ADCY4: variants seen among roughly 807,000 people sequenced by gnomAD.
ADCY4 encodes adenylate cyclase 4.
Under a neutral mutation model 125.5 loss-of-function variants are expected in ADCY4, and 111 were observed. The observed-to-expected ratio is 0.88, with a 90% confidence interval of 0.76 to 1.04. The LOEUF is 1.04. Ranked by LOEUF, ADCY4 falls within the 50% of genes least tolerant of loss-of-function variation. The pLI, the probability that ADCY4 is intolerant of heterozygous loss-of-function variation, is 0.00. For missense variants in ADCY4, 1,256 were observed against 1,382.9 expected, an observed-to-expected ratio of 0.91 and a Z score of 1.46; for synonymous variants, 576 against 586.9, an observed-to-expected ratio of 0.98 and a Z score of 0.27.
At position 24,318,730 on chromosome 14, in the gene ADCY4, G is replaced by A. The variant is rs150391939; in HGVS notation, c.3005C>T (p.Pro1002Leu). 7 of 1,613,958 alleles carry A rather than the reference G, an allele frequency of 4.3e-6. No individual in the cohort carries two copies. In the East Asian group the frequency reaches 8.9e-5, roughly 21 times the overall value. Reference sequence around the variant, plus strand: ...TGTGTTGCCCCAAATGTCATATTGCGGCTTCTGGGCCCCAATAACTCCAGC... The same window carrying A: ...TGTGTTGCCCCAAATGTCATATTGCAGCTTCTGGGCCCCAATAACTCCAGC... Reference protein sequence around the residue: ...VVAGVIGAQKPQYDIWGNTVN... With the variant: ...VVAGVIGAQKLQYDIWGNTVN... Residue 1002 changes from proline to leucine, a missense_variant, in exon 24 of 25, where the codon CCG becomes CTG. By Grantham distance (98) the Pro-to-Leu change is moderately conservative. Transcript: ENST00000418030.
intron 1 of ADCY4, 64 bp from the exon 2 acceptor site, chr14:24,333,052 A>C: frequency 4.1e-6 from 6 of 1,463,578 alleles, no homozygotes; most frequent in Non-Finnish European, 5.4e-6. Context: ...GATAAAGGAA[A>C]AGCCAGCAGC....
chr14:24,320,868 T>C (rs913653703), intron 20 of ADCY4, among the ~76,000 whole-genome samples: 5 of 152,178 alleles, frequency 3.3e-5, no homozygotes, highest in African/African-American at 7.2e-5. Flanking sequence ...TAAAATTTCA[T>C]ATGGCTAATG....
Position 24,319,463 on chromosome 14 carries a change from C to A in ADCY4, c.2734-27G>T. 1 of 1,603,350 alleles carries A rather than the reference C, an allele frequency of 6.2e-7. No homozygotes were observed. The highest frequency in any genetic ancestry group is 1.1e-5 in the South Asian group (1 of 90,870). ...TGTATATAGAGAAGAGTCCTGTCCC[C>A]AGTCTCTCTTACTCTCTCCATCACC... On this transcript the variant is annotated intron_variant, in intron 21 of 24. Coordinates refer to ENST00000418030, the MANE Select transcript of ADCY4 (RefSeq NM_001198568.2). This position sits in a 1 kb window ranked among gnomAD's most constrained non-coding sequence, Gnocchi z 4.5.
chr14:24,328,965 A>G (rs1009553491), intron 10 of ADCY4, 96 bp downstream of exon 10: 3 of 1,433,044 alleles, frequency 2.1e-6, no homozygotes, highest in Non-Finnish European at 2.8e-6. Flanking sequence ...TAAGTGGCTC[A>G]CTGGTGGTGG....
At chr14:24,320,059 G>T (rs1293406850) in intron 20 of ADCY4, among the ~76,000 whole-genome samples, 171 bp from the exon 21 acceptor site, 1 of 152,176 alleles carries the variant, frequency 6.6e-6, no homozygotes, top group Admixed American at 6.5e-5. Context: ...TGACTTAGGA[G>T]TCAAAGCTTA....
chr14:24,325,550 G>T, intron 13 of ADCY4, 76 bp from the exon 14 acceptor site: 1 of 1,334,168 alleles, frequency 7.5e-7, no homozygotes, highest in Non-Finnish European at 1.1e-6. Context: ...TCCCAGGCAA[G>T]GGGTGGGCTC....
At position 24,332,542 on chromosome 14, in the gene ADCY4, G is replaced by GT; in HGVS notation, c.498dup (p.Arg167ThrfsTer93). Reference sequence around the variant, plus strand: ...CTCACCTGCGGCAGCAGTGCAGGCCGTGAGTCCGGCTGTGGCCCAAGATAC... The same window carrying GT: ...CTCACCTGCGGCAGCAGTGCAGGCCGTTGAGTCCGGCTGTGGCCCAAGATAC... On this transcript the variant is annotated frameshift_variant, in exon 3 of 25. Coordinates refer to ENST00000418030, the MANE Select transcript of ADCY4 (RefSeq NM_001198568.2). LOFTEE classifies it high-confidence loss of function. The GT allele has an allele frequency of 6.4e-7, 1 of 1,570,820 alleles. No individual in the cohort carries two copies. The highest frequency in any genetic ancestry group is 1.2e-5 in the South Asian group (1 of 85,850).
chr14:24,318,956 G>T, intron 23 of ADCY4, 142 bp downstream of exon 23: 1 of 1,384,456 alleles, frequency 7.2e-7, no homozygotes, highest in Non-Finnish European at 1.0e-6. Flanking sequence ...TCCTTGCCCA[G>T]CACCTTCACA....
Position 24,334,894 on chromosome 14 carries a change from A to G in ADCY4, c.-242T>C. On this transcript the variant is annotated 5_prime_UTR_variant, in exon 1 of 25. Transcript: ENST00000418030. ...TCCTCCTCCCTCAAACCCGGATTGT[A>G]GAGGTGCCCTAGAAAAGCCTCATCG... 1 of 492,462 alleles carries G rather than the reference A, an allele frequency of 2.0e-6. No homozygotes were observed. Among genetic ancestry groups the G allele is most frequent in the Non-Finnish European group, 3.6e-6 (1 of 281,018 alleles). 30.5% of individuals were successfully genotyped at this position (492,462 alleles called of 1,614,324 possible). A position where few individuals can be genotyped will look rare whatever the true frequency, so the allele number is the denominator to read the frequency against.
At position 24,330,310 on chromosome 14, in the gene ADCY4, G is replaced by T; in HGVS notation, c.931-15C>A. The T allele has an allele frequency of 6.2e-7, 1 of 1,613,938 alleles. No individual in the cohort carries two copies. The highest frequency in any genetic ancestry group is 8.5e-7 in the Non-Finnish European group (1 of 1,179,846). On this transcript the variant is annotated splice_polypyrimidine_tract_variant and intron_variant, in intron 6 of 24. Transcript: ENST00000418030. Reference sequence around the variant, plus strand: ...CATTCATGCTCCTGGGAGTGTGTATGTGGGTGTGCAGAGGAACCTGGTTAG... The same window carrying T: ...CATTCATGCTCCTGGGAGTGTGTATTTGGGTGTGCAGAGGAACCTGGTTAG...
At chr14:24,326,023 C>CT (rs2041936448) in intron 12 of ADCY4, 56 bp downstream of exon 12, 19 of 1,485,470 alleles carry the variant, frequency 1.3e-5, no homozygotes, top group Admixed American at 8.6e-5. Flanking sequence ...ACCATCCCTT[C>CT]TCCACCATAT....
intron 1 of ADCY4, among the ~76,000 whole-genome samples, chr14:24,333,467 C>T (rs1054549715): frequency 3.1e-4 from 47 of 151,986 alleles, no homozygotes; most frequent in Admixed American, 6.6e-5. Flanking sequence ...TGGGCTCAAA[C>T]GATCTCCCGC....
chr14:24,322,853 T>A (rs2041876323), intron 18 of ADCY4, 51 bp downstream of exon 18: 1 of 1,550,086 alleles, frequency 6.5e-7, no homozygotes, highest in Admixed American at 2.0e-5. Context: ...CTGTATCCCA[T>A]CTCACCCCAT....
chr14:24,326,559 C>T (rs551638001), intron 10 of ADCY4: 56 of 586,504 alleles, frequency 9.5e-5, no homozygotes, highest in Non-Finnish European at 1.6e-4. Flanking sequence ...ACTCTCTAGA[C>T]TCCCAGGATC....
intron 12 of ADCY4, 45 bp from the exon 13 acceptor site, chr14:24,325,932 G>T: frequency 6.3e-7 from 1 of 1,576,946 alleles, no homozygotes. Flanking sequence ...GAGAACAGAG[G>T]GCACAGAAGG....
In ADCY4 at chr14:24,318,688, C is replaced by T. The variant is rs151266711; in HGVS notation, c.3047G>A (p.Arg1016His). 88 of 1,614,016 alleles carry T rather than the reference C, an allele frequency of 5.5e-5. No homozygotes were observed. The highest frequency in any genetic ancestry group is 1.6e-4 in the Middle Eastern group (1 of 6,084). Residue 1016 changes from arginine to histidine, a missense_variant, in exon 24 of 25, where the codon CGC becomes CAC. By Grantham distance (29) the Arg-to-His change is conservative. Coordinates refer to ENST00000418030, the MANE Select transcript of ADCY4 (RefSeq NM_001198568.2). ...GCCAAGGACTCCTGTACTCTCCATG[C>T]GGCTGGCCACGTTCACTGTGTTGCC... ...IWGNTVNVAS[R>H]MESTGVLGKI...
At chr14:24,322,302 A>G (rs1040633722) in intron 19 of ADCY4, 78 bp from the exon 20 acceptor site, 26 of 1,516,266 alleles carry the variant, frequency 1.7e-5, no homozygotes, top group Non-Finnish European at 2.3e-5. Context: ...CCCCAACTCC[A>G]TGATGCCTGA....
chr14:24,322,701 C>G lies in ADCY4; in HGVS notation c.2350G>C (p.Val784Leu). The change falls in exon 19 of 25, where the codon GTG becomes CTG. Residue 784 changes from valine to leucine, a missense_variant. Val to Leu is a conservative substitution (Grantham distance 32). Transcript: ENST00000418030. ...CCCATCAGTTTGGGCTCCTTCAGCA[C>G]TCCGGGCCTGAAGGGGCCATGGATC... Reference protein sequence around the residue: ...YLGPLDSRPGVLKEPKLMGAI... With the variant: ...YLGPLDSRPGLLKEPKLMGAI... 2 of 1,614,036 alleles carry G rather than the reference C, an allele frequency of 1.2e-6. No individual in the cohort carries two copies. The highest frequency in any genetic ancestry group is 2.2e-5 in the South Asian group (2 of 91,042).
At chr14:24,328,677 C>T (rs545202113) in intron 10 of ADCY4, 12 of 212,474 alleles carry the variant, frequency 5.6e-5, no homozygotes, top group Admixed American at 1.7e-4. Flanking sequence ...GGGCCACTAC[C>T]GGTCTCCGCG....
Sources: allele counts gnomAD v4.1 joint callset (sites outside exome capture counted in the v4.1 genomes callset), GRCh38; gene constraint gnomAD v4.1.1; non-coding constraint Gnocchi (gnomAD v3.1); transcripts MANE v1.5; gene names NCBI Gene and HGNC (gene_info 2026-07-23, HGNC 2026-07-21).